Variants in AGL observed in about 807,000 individuals in gnomAD.
AGL encodes amylo-alpha-1,6-glucosidase and 4-alpha-glucanotransferase.
In AGL, 128 loss-of-function variants were observed where a neutral mutation model predicts 199.3. That is an observed-to-expected ratio of 0.64 (90% CI 0.56 to 0.74). The LOEUF is 0.74. Ranked by LOEUF, AGL falls within the 30% of genes least tolerant of loss-of-function variation. The pLI is 0.00. For missense variants in AGL, 1,809 were observed against 1,820.8 expected, an observed-to-expected ratio of 0.99 and a Z score of 0.12; for synonymous variants, 584 against 594.7, an observed-to-expected ratio of 0.98 and a Z score of 0.26.
At chr1:99,856,324 CT>C (rs1282791462) in intron 2 of AGL, among the ~76,000 whole-genome samples, 7 of 51,094 alleles carry the variant, frequency 1.4e-4, no homozygotes, top group Admixed American at 9.1e-4. Flanking sequence ...CCCTCCCTTC[CT>C]TCCTCCCTCC....
Position 99,916,663 on chromosome 1 carries a change from G to A in AGL, c.4413G>A (p.Pro1471=), listed in dbSNP as rs1049817296. The part of the protein sequence containing the change: ...AKLYFSRLMG[P]ETTAKTIVLV... ...TATATTTTTCCAGATTGATGGGCCC[G>A]GAGACTACTGCAAAGACTATAGTTT... Residue 1471 remains proline, a synonymous_variant, in exon 33 of 34, where the codon CCG becomes CCA. Coordinates refer to ENST00000361915, the MANE Select transcript of AGL (RefSeq NM_000642.3). 18 of 1,612,660 alleles carry A rather than the reference G, an allele frequency of 1.1e-5. No individual in the cohort carries two copies. The highest frequency in any genetic ancestry group is 1.6e-4 in the Middle Eastern group (1 of 6,078).
intron 26 of AGL, among the ~76,000 whole-genome samples, chr1:99,901,546 G>T (rs1653839314): frequency 6.6e-6 from 1 of 152,078 alleles, no homozygotes; most frequent in African/African-American, 2.4e-5. Flanking sequence ...TTTTGTGTAG[G>T]ATACCTGCAG....
chr1:99,881,587 A>C lies in AGL; in HGVS notation c.2204A>C (p.His735Pro), dbSNP rs749756974. 2 of 1,613,940 alleles carry C rather than the reference A, an allele frequency of 1.2e-6. No individual in the cohort carries two copies. The highest frequency in any genetic ancestry group is 1.7e-6 in the Non-Finnish European group (2 of 1,179,962). The change falls in exon 17 of 34, where the codon CAC becomes CCC. Residue 735 changes from histidine to proline, a missense_variant. Physicochemically the swap from His to Pro is moderately conservative, Grantham distance 77. Coordinates refer to ENST00000361915, the MANE Select transcript of AGL (RefSeq NM_000642.3). Reference protein sequence around the residue: ...VDEDIVAVTRHSPSIHQSVVA... With the variant: ...VDEDIVAVTRPSPSIHQSVVA... The stretch of plus-strand genomic sequence containing the variant: ...GAAGACATAGTGGCAGTAACAAGAC[A>C]CTCACCTAGCATCCATCAGTCTGTT...
intron 28 of AGL, among the ~76,000 whole-genome samples, chr1:99,911,289 GTTTT>G (rs1393638855): frequency 1.3e-5 from 2 of 152,080 alleles, no homozygotes; most frequent in African/African-American, 2.4e-5. Context: ...CATTTAAGAA[GTTTT>G]TATCATTTCA....
chr1:99,915,305 C>A, intron 30 of AGL, 84 bp from the exon 31 acceptor site: 1 of 1,163,906 alleles, frequency 8.6e-7, no homozygotes, highest in Admixed American at 1.8e-5. Flanking sequence ...TAATTTTTTT[C>A]AAGCTTATGA....
At chr1:99,857,515 G>C (rs1649616570) in intron 2 of AGL, among the ~76,000 whole-genome samples, 1 of 152,004 alleles carries the variant, frequency 6.6e-6, no homozygotes, top group African/African-American at 2.4e-5. Flanking sequence ...ACTCCAGCCT[G>C]GGCAACATTG....
In AGL at chr1:99,896,318, T is replaced by C; in HGVS notation, c.3292T>C (p.Cys1098Arg). Reference sequence around the variant, plus strand: ...TCATTTTTCTTCTGGTATTTTCCGCTGCTGGGGAAGGGATACTTTTATTGC... The same window carrying C: ...TCATTTTTCTTCTGGTATTTTCCGCCGCTGGGGAAGGGATACTTTTATTGC... The part of the protein sequence containing the change: ...LPHFSSGIFR[C>R]WGRDTFIALR... Residue 1098 changes from cysteine to arginine, a missense_variant, in exon 25 of 34, where the codon TGC becomes CGC. Physicochemically the swap from Cys to Arg is radical, Grantham distance 180. Transcript: ENST00000361915. The C allele has an allele frequency of 1.2e-6, 2 of 1,614,100 alleles. No homozygotes were observed. The highest frequency in any genetic ancestry group is 2.2e-5 in the East Asian group (1 of 44,854).
chr1:99,887,000 A>T (rs1652503789), intron 20 of AGL, among the ~76,000 whole-genome samples: 1 of 152,204 alleles, frequency 6.6e-6, no homozygotes, highest in South Asian at 2.1e-4. Flanking sequence ...TCCACTGGCT[A>T]TTGAAAAATA....
rs145113095 is a variant in AGL, at chr1:99,909,265, C to T, written c.3701-1447C>T. 4.2e-3 allele frequency among the ~76,000 whole-genome samples: 637 copies of T among 152,260 alleles called. 6 individuals are homozygous for T. The highest frequency in any genetic ancestry group is 0.015 in the African/African-American group (618 of 41,562). On this transcript the variant is annotated intron_variant, in intron 27 of 33. Coordinates refer to ENST00000361915, the MANE Select transcript of AGL (RefSeq NM_000642.3). ...CAGGGGTGGGAAACACCCTGAGCTG[C>T]CTGCTGCCACCCCAAGGCCACCTAC... is the stretch of plus-strand genomic sequence containing the variant.
chr1:99,880,385 T>A (rs1212706290), intron 13 of AGL, among the ~76,000 whole-genome samples: 1 of 152,216 alleles, frequency 6.6e-6, no homozygotes, highest in Non-Finnish European at 1.5e-5. Flanking sequence ...ATCAATTTTG[T>A]ATAGCTTACA....
intron 25 of AGL, 65 bp from the exon 26 acceptor site, chr1:99,900,571 G>T: frequency 6.9e-7 from 1 of 1,443,548 alleles, no homozygotes; most frequent in South Asian, 1.1e-5. Context: ...AAAAGTGACT[G>T]GTTTTTGTCT....
In AGL at chr1:99,892,582, G is replaced by T. The variant is rs147184258; in HGVS notation, c.3234G>T (p.Glu1078Asp). 8 of 1,613,354 alleles carry T rather than the reference G, an allele frequency of 5.0e-6. No homozygotes were observed. Among genetic ancestry groups the T allele is most frequent in the Non-Finnish European group, 5.1e-6 (6 of 1,179,634 alleles). ...YRLNEITKEK[E>D]QCCVSLAAGL... ...TAAATGAGATCACAAAAGAAAAGGAGCAATGTTGTGTTTCTCTAGCTGCAG... is the reference window on the plus strand; with the variant it reads ...TAAATGAGATCACAAAAGAAAAGGATCAATGTTGTGTTTCTCTAGCTGCAG... The change falls in exon 24 of 34, where the codon GAG becomes GAT. Residue 1078 changes from glutamate (E) to aspartate (D), a missense_variant. Glu to Asp is a conservative substitution (Grantham distance 45). Coordinates refer to ENST00000361915, the MANE Select transcript of AGL (RefSeq NM_000642.3).
chr1:99,853,237 C>G (rs912248840), intron 2 of AGL, among the ~76,000 whole-genome samples: 52 of 152,172 alleles, frequency 3.4e-4, no homozygotes, highest in Admixed American at 1.0e-3. Flanking sequence ...GAGACTACAC[C>G]TTCCTTAGCC....
In AGL at chr1:99,915,773, A is replaced by AAC. The variant is rs951988452; in HGVS notation, c.4259+302_4259+303dup. On this transcript the variant is annotated intron_variant, in intron 31 of 33. Coordinates refer to ENST00000361915, the MANE Select transcript of AGL (RefSeq NM_000642.3). ...TTGACAGAATGAGACACTGTATTAA[A>AAC]ACACACACACACACACGCACACACA... is the stretch of plus-strand genomic sequence containing the variant. 7.2e-3 allele frequency among the ~76,000 whole-genome samples: 1,092 copies of AAC among 150,804 alleles called. 12 individuals carry two copies. Among genetic ancestry groups the AAC allele is most frequent in the African/African-American group, 0.025 (1,019 of 41,166 alleles).
At chr1:99,863,952 T>A (rs1309723659) in intron 4 of AGL, among the ~76,000 whole-genome samples, 1 of 152,128 alleles carries the variant, frequency 6.6e-6, no homozygotes, top group Non-Finnish European at 1.5e-5. Context: ...TCAATATTAA[T>A]TTTCTGCTTT....
intron 29 of AGL, among the ~76,000 whole-genome samples, chr1:99,912,763 C>T: frequency 6.6e-6 from 1 of 152,336 alleles, no homozygotes; most frequent in East Asian, 1.9e-4. Flanking sequence ...TTTTTCCTCA[C>T]TGTGACTGAG....
intron 24 of AGL, among the ~76,000 whole-genome samples, chr1:99,893,886 T>A (rs1472599860): frequency 6.6e-6 from 1 of 152,120 alleles, no homozygotes; most frequent in African/African-American, 2.4e-5. Flanking sequence ...TTGGTTATAG[T>A]ATTGCAACAA....
chr1:99,897,425 AT>A (rs1289326974), intron 25 of AGL, among the ~76,000 whole-genome samples: 4 of 152,240 alleles, frequency 2.6e-5, no homozygotes, highest in African/African-American at 9.6e-5. Context: ...GCAAAAGGGC[AT>A]TTATACGATA....
chr1:99,874,175 A>G (rs1451551763), intron 7 of AGL, among the ~76,000 whole-genome samples: 1 of 152,012 alleles, frequency 6.6e-6, no homozygotes, highest in Non-Finnish European at 1.5e-5. Flanking sequence ...TTTGAAAGCA[A>G]TCTTGAAAAA....
Sources: gnomAD v4.1 joint callset for allele counts (sites outside exome capture counted in the v4.1 genomes callset) on GRCh38, gnomAD v4.1.1 for gene constraint, MANE v1.5 for transcripts, NCBI Gene and HGNC (gene_info 2026-07-23, HGNC 2026-07-21) for gene names.